SNX19: variants seen among roughly 807,000 people sequenced by gnomAD.
The protein encoded by SNX19 is sorting nexin 19, also known as sorting nexin-19.
In SNX19, 60 loss-of-function variants were observed where a neutral mutation model predicts 85.2. The ratio of observed to expected loss-of-function variants is 0.70; its 90% CI spans 0.57 to 0.87. The LOEUF is 0.87. SNX19 is among the 40% of genes least tolerant of loss of function. The pLI is 0.00. For missense variants in SNX19, 1,201 were observed against 1,217.8 expected (o/e 0.99, Z 0.21); for synonymous variants, 520 against 470.0 (o/e 1.11, Z -1.38).
intron 8 of SNX19, among the ~76,000 whole-genome samples, chr11:130,891,769 A>G (rs960112522): frequency 2.0e-5 from 3 of 151,910 alleles, no homozygotes; most frequent in Admixed American, 1.3e-4. Flanking sequence ...AATAAGACTG[A>G]TTGTAAAGGG....
rs1943224165 is a variant in SNX19 at position 130,875,955 on chromosome 11, T to C, written c.*2467A>G. 1 of 152,336 alleles carries C rather than the reference T, an allele frequency of 6.6e-6. No homozygotes were observed. The highest frequency in any genetic ancestry group is 1.9e-4 in the East Asian group (1 of 5,190). The allele number at this position is 152,336 out of a possible 1,614,324, so 9.4% of individuals were successfully genotyped here. On this transcript the variant is annotated 3_prime_UTR_variant, in exon 11 of 11. Transcript: ENST00000265909. The stretch of plus-strand genomic sequence containing the variant: ...AATGCAAAAATGAAACTGTGAGTTA[T>C]ATGTGATGAAAAAGTATAGCTTTCT...
intron 8 of SNX19, among the ~76,000 whole-genome samples, chr11:130,882,951 C>G (rs1045977109): frequency 6.6e-6 from 1 of 152,194 alleles, no homozygotes; most frequent in African/African-American, 2.4e-5. Context: ...GCCAGCAAGC[C>G]TAGGTACCTC....
rs1351550029 is a variant in SNX19, at chr11:130,906,605, C to G, written c.2262+20G>C. 1 of 1,564,110 alleles carries G rather than the reference C, an allele frequency of 6.4e-7. No homozygotes were observed. On this transcript the variant is annotated intron_variant, in intron 6 of 10. Coordinates refer to ENST00000265909, the MANE Select transcript of SNX19 (RefSeq NM_014758.3). ...ATCTCAGATATTTTTGCCTCACATT[C>G]TCTGGGTTTTGGTTCTTACCACATT... is the stretch of plus-strand genomic sequence containing the variant.
intron 8 of SNX19, among the ~76,000 whole-genome samples, chr11:130,883,868 A>G (rs1943864760): frequency 6.6e-6 from 1 of 152,222 alleles, no homozygotes; most frequent in African/African-American, 2.4e-5. Context: ...CAAACCAAAA[A>G]AATCACCACC....
At chr11:130,895,124 TG>T in intron 8 of SNX19, 1 of 985,348 alleles carries the variant, frequency 1.0e-6, no homozygotes, top group Non-Finnish European at 1.2e-6. Flanking sequence ...GGCTTCATAC[TG>T]GGAGGCCCAG....
At position 130,878,311 on chromosome 11, in the gene SNX19, C is replaced by G. The variant is rs1943383710; in HGVS notation, c.*111G>C. 1 of 1,293,176 alleles carries G rather than the reference C, an allele frequency of 7.7e-7. No individual in the cohort carries two copies. The highest frequency in any genetic ancestry group is 2.4e-5 in the East Asian group (1 of 42,528). The allele number at this position is 1,293,176 out of a possible 1,614,324, so 80.1% of individuals were successfully genotyped here. ...GGGAGAGAAGTGAGCCACCGAGAAC[C>G]TAGGCCTTCTTAGCTGTAGCCTACT... On this transcript the variant is annotated 3_prime_UTR_variant, in exon 11 of 11. Transcript: ENST00000265909.
chr11:130,902,382 A>G (rs2135376545), intron 8 of SNX19, among the ~76,000 whole-genome samples: 1 of 152,352 alleles, frequency 6.6e-6, no homozygotes, highest in Middle Eastern at 3.4e-3. Context: ...CTTGCTGTTA[A>G]TAACTTTTCG....
At position 130,875,593 on chromosome 11, in the gene SNX19, A is replaced by ATTGAT. The variant is rs1305772656; in HGVS notation, c.*2824_*2828dup. ...CAAAATGGAAATTGGAGTAGCTTGT[A>ATTGAT]TTGATTTTAAAATTTATACATGCTC... On this transcript the variant is annotated 3_prime_UTR_variant, in exon 11 of 11. Transcript: ENST00000265909. 1 of 151,782 alleles carries ATTGAT rather than the reference A, an allele frequency of 6.6e-6. No homozygotes were observed. The highest frequency in any genetic ancestry group is 1.5e-5 in the Non-Finnish European group (1 of 67,948). 9.4% of individuals were successfully genotyped at this position (151,782 alleles called of 1,614,324 possible). A position where few individuals can be genotyped will look rare whatever the true frequency, so the allele number is the denominator to read the frequency against.
intron 8 of SNX19, 184 bp downstream of exon 8, chr11:130,903,071 G>T: frequency 1.4e-6 from 1 of 699,106 alleles, no homozygotes; most frequent in Non-Finnish European, 2.3e-6. Flanking sequence ...CTTTCAAATT[G>T]TAGACAACAA....
intron 8 of SNX19, among the ~76,000 whole-genome samples, chr11:130,890,342 TCCTC>T (rs1944411310): frequency 6.6e-6 from 1 of 152,138 alleles, no homozygotes; most frequent in South Asian, 2.1e-4. Flanking sequence ...TCAATGAAAC[TCCTC>T]CCTAATTTGT....
intron 8 of SNX19, among the ~76,000 whole-genome samples, chr11:130,885,090 A>T (rs1943964675): frequency 6.6e-6 from 1 of 152,094 alleles, no homozygotes; most frequent in South Asian, 2.1e-4. Context: ...CCCAAAGAAG[A>T]GAAGAAAAAA....
intron 8 of SNX19, chr11:130,893,934 G>A (rs1335632437): frequency 3.1e-6 from 2 of 644,464 alleles, no homozygotes; most frequent in Non-Finnish European, 5.6e-6. Context: ...GGCACTTGGA[G>A]AAGCCTGCAA....
chr11:130,912,794 G>C (rs1946239002), intron 1 of SNX19, among the ~76,000 whole-genome samples: 1 of 152,246 alleles, frequency 6.6e-6, no homozygotes, highest in East Asian at 1.9e-4. Flanking sequence ...GGAGCATTTG[G>C]AACTATGAGG....
chr11:130,892,423 A>G (rs1367049613), intron 8 of SNX19, among the ~76,000 whole-genome samples: 1 of 152,168 alleles, frequency 6.6e-6, no homozygotes, highest in East Asian at 1.9e-4. Flanking sequence ...TCAAGATGAA[A>G]TAAGAAAAAT....
At chr11:130,884,963 T>C (rs1387900594) in intron 8 of SNX19, among the ~76,000 whole-genome samples, 1 of 151,114 alleles carries the variant, frequency 6.6e-6, no homozygotes, top group Non-Finnish European at 1.5e-5. Flanking sequence ...ATGAAGTAAA[T>C]ATGCTAAAAT....
At chr11:130,901,754 A>G (rs1230329800) in intron 8 of SNX19, 1 of 152,138 alleles carries the variant, frequency 6.6e-6, no homozygotes, top group East Asian at 1.9e-4. Context: ...AAACTGATCA[A>G]AGTGTAACTT....
intron 8 of SNX19, among the ~76,000 whole-genome samples, chr11:130,902,430 G>A (rs751758204): frequency 6.6e-6 from 1 of 152,074 alleles, no homozygotes; most frequent in African/African-American, 2.4e-5. Flanking sequence ...TTTTTTATAA[G>A]GATGTATTTT....
At chr11:130,881,221 T>C (rs138180494) in intron 8 of SNX19, 1 of 154,404 alleles carries the variant, frequency 6.5e-6, no homozygotes, top group East Asian at 1.9e-4. Flanking sequence ...TAAGATACCA[T>C]GAATTACATG....
In SNX19 at chr11:130,908,095, A is replaced by G; in HGVS notation, c.2035-12T>C. The stretch of plus-strand genomic sequence containing the variant: ...GCACTCACCACCATCTGCAGGGGTC[A>G]GAGGTGCAGGGTCAGTCCATCCACA... On this transcript the variant is annotated splice_polypyrimidine_tract_variant and intron_variant, in intron 4 of 10. Transcript: ENST00000265909. The G allele has an allele frequency of 2.5e-6, 4 of 1,613,552 alleles. No homozygotes were observed. The highest frequency in any genetic ancestry group is 3.4e-6 in the Non-Finnish European group (4 of 1,179,712).
Sources: allele counts gnomAD v4.1 joint callset (sites outside exome capture counted in the v4.1 genomes callset), GRCh38; gene constraint gnomAD v4.1.1; transcripts MANE v1.5; gene names NCBI Gene and HGNC (gene_info 2026-07-23, HGNC 2026-07-21).